The following GPR176 variants were observed in gnomAD, a reference collection of about 807,000 sequenced individuals.
The protein encoded by GPR176 is G protein-coupled receptor 176, also known as G-protein coupled receptor 176.
Under a neutral mutation model 35.4 loss-of-function variants are expected in GPR176, and 26 were observed. That is an observed-to-expected ratio of 0.74 (90% CI 0.54 to 1.02). The LOEUF (loss-of-function observed/expected upper bound fraction) is 1.02. Ranked by LOEUF, GPR176 falls within the 50% of genes least tolerant of loss-of-function variation. GPR176 has a pLI of 0.00. For synonymous variants in GPR176, 278 were observed against 271.3 expected, an observed-to-expected ratio of 1.02 and a Z score of -0.24; for missense variants, 597 against 665.3, an observed-to-expected ratio of 0.90 and a Z score of 1.13.
intron 1 of GPR176, among the ~76,000 whole-genome samples, chr15:39,832,290 G>A (rs1049260604): frequency 6.6e-6 from 1 of 152,070 alleles, no homozygotes; most frequent in Non-Finnish European, 1.5e-5. Flanking sequence ...TGGGGCAGCC[G>A]CTTTAGGAAA....
intron 1 of GPR176, among the ~76,000 whole-genome samples, chr15:39,851,327 C>T (rs959989821): frequency 2.0e-5 from 3 of 152,212 alleles, no homozygotes; most frequent in East Asian, 3.9e-4. Flanking sequence ...AGTCCAAAAA[C>T]AAGAAAGTAC....
At chr15:39,894,936 G>C (rs1232269809) in intron 1 of GPR176, among the ~76,000 whole-genome samples, 7 of 152,150 alleles carry the variant, frequency 4.6e-5, no homozygotes, top group Non-Finnish European at 1.0e-4. Flanking sequence ...TCCAGCCTGG[G>C]CACCATTGAG....
At chr15:39,913,599 T>C (rs1229634344) in intron 1 of GPR176, among the ~76,000 whole-genome samples, 1 of 151,794 alleles carries the variant, frequency 6.6e-6, no homozygotes, top group Non-Finnish European at 1.5e-5. Context: ...TGAGTGGTGA[T>C]TGCCTAGGGC....
At chr15:39,803,601 AGCACCACCTAT>A (rs1899020969) in intron 2 of GPR176, among the ~76,000 whole-genome samples, 1 of 152,100 alleles carries the variant, frequency 6.6e-6, no homozygotes. Context: ...GGTACTTCTG[AGCACCACCTAT>A]GCACCAGGTC....
At chr15:39,900,436 T>G (rs185665955) in intron 1 of GPR176, among the ~76,000 whole-genome samples, 2 of 152,336 alleles carry the variant, frequency 1.3e-5, no homozygotes, top group East Asian at 3.9e-4. Flanking sequence ...AGCCTTTGCA[T>G]TCATGCCTTG....
Position 39,801,697 on chromosome 15 carries a change from C to A in GPR176, c.983G>T (p.Arg328Leu), listed in dbSNP as rs761921765. The A allele has an allele frequency of 6.2e-7, 1 of 1,613,306 alleles. No individual in the cohort carries two copies. The highest frequency in any genetic ancestry group is 1.1e-5 in the South Asian group (1 of 91,064). The change falls in exon 3 of 3, where the codon CGC becomes CTC. Residue 328 changes from arginine (R) to leucine (L), a missense_variant. Arg to Leu is a moderately radical substitution (Grantham distance 102). This residue lies in a region of GPR176 where 251 missense variants were observed against 255.4 expected (regional missense o/e 0.98). Coordinates refer to ENST00000561100, the MANE Select transcript of GPR176 (RefSeq NM_007223.3). ...VLFLTVNKSV[R>L]KCLIGTLVQL... The stretch of plus-strand genomic sequence containing the variant: ...CACCAGGGTCCCTATCAAGCACTTG[C>A]GGACAGATTTGTTCACAGTAAGAAA...
intron 1 of GPR176, among the ~76,000 whole-genome samples, chr15:39,870,868 TGAG>T (rs2032017934): frequency 6.6e-6 from 1 of 151,936 alleles, no homozygotes; most frequent in South Asian, 2.1e-4. Flanking sequence ...AGCAAGAAAA[TGAG>T]GACCCCATCC....
chr15:39,900,323 T>C (rs2033240270), intron 1 of GPR176, among the ~76,000 whole-genome samples: 1 of 151,884 alleles, frequency 6.6e-6, no homozygotes, highest in Non-Finnish European at 1.5e-5. Context: ...ATATGGAAGT[T>C]AACATGAAGG....
intron 1 of GPR176, among the ~76,000 whole-genome samples, chr15:39,813,945 A>G (rs1226157505): frequency 1.3e-5 from 2 of 152,196 alleles, no homozygotes; most frequent in South Asian, 4.1e-4. Context: ...CATTTTTAAT[A>G]TATATTACCA....
chr15:39,837,365 T>A (rs1901467102), intron 1 of GPR176, among the ~76,000 whole-genome samples: 1 of 152,186 alleles, frequency 6.6e-6, no homozygotes, highest in African/African-American at 2.4e-5. Context: ...CACCTCTCAC[T>A]CTGTGAGTGT....
chr15:39,824,758 T>G (rs573319706), intron 1 of GPR176, among the ~76,000 whole-genome samples: 1 of 152,236 alleles, frequency 6.6e-6, no homozygotes, highest in Non-Finnish European at 1.5e-5. Flanking sequence ...AGGATCCTAG[T>G]TGGATTCCAA....
intron 1 of GPR176, among the ~76,000 whole-genome samples, chr15:39,900,648 C>G (rs942749137): frequency 1.3e-5 from 2 of 152,180 alleles, no homozygotes; most frequent in Non-Finnish European, 2.9e-5. Context: ...CCACTTGCCC[C>G]CTCTGTTCTC....
At chr15:39,816,517 C>T (rs74008890) in intron 1 of GPR176, among the ~76,000 whole-genome samples, 3,570 of 152,162 alleles carry the variant, frequency 0.023, 156 homozygotes, top group African/African-American at 0.079. Context: ...AAAAACCACA[C>T]AAGGTTATGA....
intron 1 of GPR176, among the ~76,000 whole-genome samples, chr15:39,900,363 T>A (rs1488741499): frequency 6.6e-6 from 1 of 152,186 alleles, no homozygotes; most frequent in East Asian, 1.9e-4. Flanking sequence ...AAACCTACAT[T>A]CTTCATCCAC....
intron 1 of GPR176, chr15:39,814,847 T>C (rs1899794216): frequency 6.6e-6 from 1 of 152,244 alleles, no homozygotes; most frequent in African/African-American, 2.4e-5. Flanking sequence ...ACTAAGGACA[T>C]AGATCCTGAA....
At chr15:39,852,285 C>G (rs920806800) in intron 1 of GPR176, among the ~76,000 whole-genome samples, 4 of 152,116 alleles carry the variant, frequency 2.6e-5, no homozygotes, top group Non-Finnish European at 5.9e-5. Flanking sequence ...TGAAAATCTA[C>G]AACAGCCCTC....
chr15:39,809,659 C>T (rs1260966910), intron 1 of GPR176, among the ~76,000 whole-genome samples: 3 of 152,146 alleles, frequency 2.0e-5, no homozygotes, highest in Non-Finnish European at 4.4e-5. Flanking sequence ...ATTATACTTT[C>T]TAATGTTTAA....
intron 1 of GPR176, among the ~76,000 whole-genome samples, chr15:39,911,476 A>G (rs187229008): frequency 7.2e-5 from 11 of 152,360 alleles, no homozygotes; most frequent in Admixed American, 7.2e-4. Flanking sequence ...GTGGCCACTG[A>G]TCAAAATATC....
At chr15:39,850,534 T>C (rs938817092) in intron 1 of GPR176, among the ~76,000 whole-genome samples, 2 of 151,982 alleles carry the variant, frequency 1.3e-5, no homozygotes, top group East Asian at 1.9e-4. Context: ...GGAGAACAGA[T>C]TGGTGGTTGC....
Sources: allele counts gnomAD v4.1 joint callset (sites outside exome capture counted in the v4.1 genomes callset), GRCh38; gene constraint gnomAD v4.1.1; regional missense constraint gnomAD v4.1.1; transcripts MANE v1.5; gene names NCBI Gene and HGNC (gene_info 2026-07-23, HGNC 2026-07-21).